Variants in DPY30 observed in about 807,000 individuals in gnomAD.
DPY30 encodes dpy-30 histone methyltransferase complex regulatory subunit, also known as protein dpy-30 homolog.
Under a neutral mutation model 16.2 loss-of-function variants are expected in DPY30, and 6 were observed. The observed-to-expected ratio is 0.37, with a 90% CI of 0.20 to 0.73. The LOEUF (loss-of-function observed/expected upper bound fraction) is 0.73. DPY30 is among the 30% of genes least tolerant of loss of function. DPY30 has a pLI of 0.51. For missense variants in DPY30, 73 were observed against 113.1 expected (o/e 0.65, Z 1.61); for synonymous variants, 39 against 38.8 (o/e 1.00, Z -0.02).
chr2:32,021,253 G>A (rs181872453), downstream of DPY30, among the ~76,000 whole-genome samples: 388 of 150,418 alleles, frequency 2.6e-3, no homozygotes, highest in African/African-American at 9.2e-3. Flanking sequence ...GCGAGACTCC[G>A]TCTAAAAAGC....
intron 4 of DPY30, 113 bp downstream of exon 4, chr2:32,029,481 T>C: frequency 7.8e-7 from 1 of 1,286,148 alleles, no homozygotes; most frequent in Non-Finnish European, 1.1e-6. Flanking sequence ...TTAAAAACTT[T>C]AACATCCATA....
chr2:32,034,848 A>T (rs1273343246), intron 3 of DPY30, among the ~76,000 whole-genome samples: 1 of 151,800 alleles, frequency 6.6e-6, no homozygotes, highest in Non-Finnish European at 1.5e-5. Context: ...AAAATACAAA[A>T]ATTCGGCAGG....
At chr2:32,022,921 A>G (rs183590713), downstream of DPY30, among the ~76,000 whole-genome samples, 506 of 152,280 alleles carry the variant, frequency 3.3e-3, 2 homozygotes, top group African/African-American at 0.012. Flanking sequence ...TGGCACTGAC[A>G]TTTTAAGCTA....
chr2:32,019,843 T>C (rs1295604714), downstream of DPY30, among the ~76,000 whole-genome samples: 1 of 143,430 alleles, frequency 7.0e-6, no homozygotes, highest in Non-Finnish European at 1.5e-5. Flanking sequence ...AAAATATATA[T>C]ATATATATAT....
At chr2:32,027,504 CTG>C (rs1675374944) in intron 4 of DPY30, among the ~76,000 whole-genome samples, 1 of 142,710 alleles carries the variant, frequency 7.0e-6, no homozygotes, top group Non-Finnish European at 1.5e-5. Flanking sequence ...CATTCCAGCC[CTG>C]GGTAACAAGA....
Position 32,039,510 on chromosome 2 carries a change from G to C in DPY30, c.-36-18C>G. 1 of 1,612,762 alleles carries C rather than the reference G, an allele frequency of 6.2e-7. No homozygotes were observed. The highest frequency in any genetic ancestry group is 1.1e-5 in the South Asian group (1 of 91,058). ...ATACCAGTCTTGGAAAACAAGAAGA[G>C]CCGCGAGTTACCTGGGAGATTTCAA... On this transcript the variant is annotated intron_variant, in intron 1 of 4. Coordinates refer to ENST00000342166, the MANE Select transcript of DPY30 (RefSeq NM_001321209.2).
intron 1 of DPY30, 57 bp from the exon 2 acceptor site, chr2:32,039,549 G>A: frequency 1.3e-6 from 2 of 1,557,774 alleles, no homozygotes; most frequent in Non-Finnish European, 1.8e-6. Flanking sequence ...GAAGACTCCA[G>A]GATGGAGTGC....
At chr2:32,023,697 T>C (rs1675234100), downstream of DPY30, 7 of 1,298,122 alleles carry the variant, frequency 5.4e-6, no homozygotes, top group Non-Finnish European at 6.1e-6. Context: ...TGTTAAGCCA[T>C]TGAAGATGCC....
At chr2:32,027,430 T>C (rs1191571784) in intron 4 of DPY30, among the ~76,000 whole-genome samples, 5 of 150,166 alleles carry the variant, frequency 3.3e-5, no homozygotes, top group African/African-American at 1.2e-4. Context: ...CTCAGGAGGC[T>C]GAGGCAAGAG....
rs1385840317 is a variant in DPY30, at chr2:32,024,141, A to G, written c.*43T>C. ...AATTAAAGCTGCCTCTTAATCATGT[A>G]AATCTACAGTAGCAACTAAATTTTT... is the stretch of plus-strand genomic sequence containing the variant. On this transcript the variant is annotated 3_prime_UTR_variant, in exon 5 of 5. Transcript: ENST00000342166. The G allele has an allele frequency of 6.3e-7, 1 of 1,594,654 alleles. No homozygotes were observed. Among genetic ancestry groups the G allele is most frequent in the Non-Finnish European group, 8.5e-7 (1 of 1,169,878 alleles).
intron 1 of DPY30, 108 bp from the exon 2 acceptor site, chr2:32,039,600 C>A: frequency 9.5e-7 from 1 of 1,055,482 alleles, no homozygotes; most frequent in Non-Finnish European, 1.4e-6. Flanking sequence ...CACCTGGGCG[C>A]GGGAGCACCA....
intron 3 of DPY30, among the ~76,000 whole-genome samples, chr2:32,037,282 AT>A (rs1480336878): frequency 6.6e-6 from 1 of 152,024 alleles, no homozygotes; most frequent in Non-Finnish European, 1.5e-5. Context: ...CTTTTTTTGT[AT>A]TGTTTACATA....
At position 32,012,469 on chromosome 2, in the gene DPY30, C is replaced by G. The variant is rs560052775; in HGVS notation, n.378-417G>C. Among the ~76,000 whole-genome samples the G allele has an allele frequency of 3.7e-5, 4 of 109,056 alleles. No individual in the cohort carries two copies. The South Asian group carries it at 1.2e-3, about 34-fold the overall frequency. The allele number at this position is 109,056 out of a possible 152,430, so 71.5% of individuals were successfully genotyped here. A position where few individuals can be genotyped will look rare whatever the true frequency, so the allele number is the denominator to read the frequency against. On this transcript the variant is annotated intron_variant and non_coding_transcript_variant, in intron 5 of 5. Transcript: ENST00000414013. ...TTTTTGAGACAGAGTCTTGCTCTGT[C>G]ACCCAGGCTGGAGTGCAGTGGCTCG...
At chr2:32,038,120 T>A (rs563952648) in intron 3 of DPY30, among the ~76,000 whole-genome samples, 1 of 148,988 alleles carries the variant, frequency 6.7e-6, no homozygotes, top group South Asian at 2.2e-4. Context: ...TTAACTTGTA[T>A]TGCTCATTTT....
At chr2:32,023,402 T>G (rs560083357), downstream of DPY30, 1 of 462,620 alleles carries the variant, frequency 2.2e-6, no homozygotes, top group East Asian at 7.0e-5. Context: ...AGAACAGGAT[T>G]TGAATTCCCA....
intron 3 of DPY30, among the ~76,000 whole-genome samples, chr2:32,032,693 C>A (rs1675585108): frequency 6.6e-6 from 1 of 152,130 alleles, no homozygotes; most frequent in Non-Finnish European, 1.5e-5. Context: ...GACCCTGTTA[C>A]CATTTTTAAA....
chr2:32,029,687 T>A lies in DPY30; in HGVS notation c.134A>T (p.Lys45Met). 6.2e-7 allele frequency: 1 copy of A among 1,614,156 alleles called. No homozygotes were observed. Among genetic ancestry groups the A allele is most frequent in the Admixed American group, 1.7e-5 (1 of 60,008 alleles). Residue 45 changes from lysine to methionine, a missense_variant, in exon 4 of 5, where the codon AAG becomes ATG. This residue lies in a region of DPY30 where 52 missense variants were observed against 71.5 expected (regional missense o/e 0.73). Transcript: ENST00000342166. ...KINAEKSSKQ[K>M]VDLQSLPTRA... is the part of the protein sequence containing the mutation. ...AGTTGGCAAAGACTGGAGATCTACC[T>A]TCTGCTTTGATGACTTTTCTGCATT...
chr2:32,037,698 C>G (rs940093416), intron 3 of DPY30, among the ~76,000 whole-genome samples: 1 of 151,800 alleles, frequency 6.6e-6, no homozygotes, highest in Non-Finnish European at 1.5e-5. Flanking sequence ...GCTGGGATTA[C>G]AGGCACTTGC....
At chr2:32,034,540 T>C (rs1007310127) in intron 3 of DPY30, among the ~76,000 whole-genome samples, 22 of 152,164 alleles carry the variant, frequency 1.4e-4, no homozygotes, top group African/African-American at 4.8e-4. Context: ...TTTGCCCCCA[T>C]GACCCAAACA....
Sources: gnomAD v4.1 joint callset for allele counts (sites outside exome capture counted in the v4.1 genomes callset) on GRCh38, gnomAD v4.1.1 for gene constraint, gnomAD v4.1.1 regional missense constraint, MANE v1.5 for transcripts, NCBI Gene and HGNC (gene_info 2026-07-23, HGNC 2026-07-21) for gene names.